DAG1: variants seen among roughly 807,000 people sequenced by gnomAD.
The protein encoded by DAG1 is dystroglycan 1 (dystrophin-associated glycoprotein 1).
Under a neutral mutation model 46.1 loss-of-function variants are expected in DAG1, and 8 were observed. The ratio of observed to expected loss-of-function variants is 0.17; its 90% CI spans 0.10 to 0.31. The LOEUF is 0.31. Among genes scored for constraint, DAG1 ranks in the 10% least tolerant of loss-of-function variants. The pLI, the probability that DAG1 is intolerant of heterozygous loss-of-function variation, is 1.00. For missense variants in DAG1, 1,003 were observed against 1,189.9 expected, an observed-to-expected ratio of 0.84 and a Z score of 2.31; for synonymous variants, 495 against 481.8, an observed-to-expected ratio of 1.03 and a Z score of -0.36.
At position 49,533,579 on chromosome 3, in the gene DAG1, C is replaced by G. The variant is rs113494001; in HGVS notation, c.*380C>G. 2.8e-4 allele frequency: 115 copies of G among 416,218 alleles called. No homozygotes were observed. Among genetic ancestry groups the G allele is most frequent in the African/African-American group, 2.1e-3 (103 of 48,936 alleles). 25.8% of individuals were successfully genotyped at this position (416,218 alleles called of 1,614,324 possible). Reference sequence around the variant, plus strand: ...CTGGCTCTCTGCGTTTTGCCTTTAACACTAACTGTACTGTTTTTTCTATTC... The same window carrying G: ...CTGGCTCTCTGCGTTTTGCCTTTAAGACTAACTGTACTGTTTTTTCTATTC... On this transcript the variant is annotated 3_prime_UTR_variant, in exon 3 of 3. Coordinates refer to ENST00000308775, the MANE Select transcript of DAG1 (RefSeq NM_004393.6).
intron 2 of DAG1, among the ~76,000 whole-genome samples, chr3:49,523,151 G>C (rs2051080691): frequency 6.6e-6 from 1 of 152,196 alleles, no homozygotes; most frequent in African/African-American, 2.4e-5. Flanking sequence ...GTGGGTGGCT[G>C]TGGTATAGTA....
chr3:49,503,896 A>AAAATTC (rs1320190891), intron 1 of DAG1, among the ~76,000 whole-genome samples: 17 of 152,242 alleles, frequency 1.1e-4, no homozygotes, highest in Non-Finnish European at 1.9e-4. Context: ...TGTCAGATTT[A>AAAATTC]AAATTCAAAT....
At position 49,533,433 on chromosome 3, in the gene DAG1, G is replaced by A. The variant is rs1202737470; in HGVS notation, c.*234G>A. On this transcript the variant is annotated 3_prime_UTR_variant, in exon 3 of 3. Coordinates refer to ENST00000308775, the MANE Select transcript of DAG1 (RefSeq NM_004393.6). ...TTTATTTTTTGCCTAACAGCTTTTG[G>A]TTTGTTCATAGAGAATTCTTCGCTT... is the stretch of plus-strand genomic sequence containing the variant. 8 of 709,412 alleles carry A rather than the reference G, an allele frequency of 1.1e-5. No individual in the cohort carries two copies. In the East Asian group the frequency reaches 1.9e-4, roughly 17 times the overall value. 43.9% of individuals were successfully genotyped at this position (709,412 alleles called of 1,614,324 possible).
Position 49,479,751 on chromosome 3 carries a change from C to A in DAG1, c.-117+9318C>A, listed in dbSNP as rs552510701. Among the ~76,000 whole-genome samples, 16 of 147,242 alleles carry A rather than the reference C, an allele frequency of 1.1e-4. No homozygotes were observed. In the East Asian group the frequency reaches 3.0e-3, roughly 27 times the overall value. ...CTCCTGGGTTCAATTGATTCTCCTG[C>A]CTCAGCATCCTGAGTAGCTGGCATT... is the stretch of plus-strand genomic sequence containing the variant. On this transcript the variant is annotated intron_variant, in intron 1 of 2. Coordinates refer to ENST00000308775, the MANE Select transcript of DAG1 (RefSeq NM_004393.6).
rs540509285 is a variant in DAG1, at chr3:49,491,866, G to A, written c.-116-18553G>A. The stretch of plus-strand genomic sequence containing the variant: ...ACTCCTGACCTCAAGTGATCCTCCC[G>A]CCTTGGCCTCCCAGAGTACTGGGAT... On this transcript the variant is annotated intron_variant, in intron 1 of 2. Coordinates refer to ENST00000308775, the MANE Select transcript of DAG1 (RefSeq NM_004393.6). 4.2e-4 allele frequency among the ~76,000 whole-genome samples: 64 copies of A among 151,928 alleles called. No individual in the cohort carries two copies. The East Asian group carries it at 0.011, about 27-fold the overall frequency.
chr3:49,471,049 A>G (rs2049505225), intron 1 of DAG1: 1 of 152,230 alleles, frequency 6.6e-6, no homozygotes, highest in African/African-American at 2.4e-5. Context: ...ATAAATTCTA[A>G]GTTAGTTTCC....
chr3:49,532,087 C>T lies in DAG1; in HGVS notation c.1576C>T (p.His526Tyr), dbSNP rs1211698488. 7.4e-6 allele frequency: 12 copies of T among 1,614,068 alleles called. No individual in the cohort carries two copies. Among genetic ancestry groups the T allele is most frequent in the Non-Finnish European group, 9.3e-6 (11 of 1,180,036 alleles). Residue 526 changes from histidine (H) to tyrosine (Y), a missense_variant, in exon 3 of 3, where the codon CAT becomes TAT. Transcript: ENST00000308775. This position sits in a 1 kb window ranked among gnomAD's most constrained non-coding sequence, Gnocchi z 5.4. ...VKIPSDTFYD[H>Y]EDTTTDKLKL... ...GATCCCGTCAGACACTTTCTATGAC[C>T]ATGAGGACACCACCACTGACAAGCT...
intron 1 of DAG1, chr3:49,510,151 C>T: frequency 4.4e-6 from 2 of 450,642 alleles, no homozygotes; most frequent in Non-Finnish European, 7.8e-6. Context: ...AGTTTGCAAT[C>T]AATATTTTAA....
intron 1 of DAG1, chr3:49,493,036 CTTTTTTTTTTT>C (rs55708660): frequency 2.3e-5 from 2 of 86,380 alleles, no homozygotes; most frequent in Non-Finnish European, 4.1e-5. Flanking sequence ...TATTTTTATT[CTTTTTTTTTTT>C]TTTTTTTTTT....
intron 1 of DAG1, among the ~76,000 whole-genome samples, chr3:49,488,422 A>G (rs898098148): frequency 1.3e-5 from 2 of 152,222 alleles, no homozygotes; most frequent in Non-Finnish European, 2.9e-5. Context: ...ATCTAGGATT[A>G]TATCCTTAGA....
chr3:49,522,844 A>C (rs537431734), intron 2 of DAG1, among the ~76,000 whole-genome samples: 1 of 152,266 alleles, frequency 6.6e-6, no homozygotes, highest in African/African-American at 2.4e-5. Flanking sequence ...ATCTCCTTAA[A>C]TCAGGCTTTC....
chr3:49,528,810 G>A (rs2051261838), intron 2 of DAG1, among the ~76,000 whole-genome samples: 1 of 151,076 alleles, frequency 6.6e-6, no homozygotes, highest in South Asian at 2.1e-4. Flanking sequence ...GAGTGGCTCA[G>A]AGAGCAATTA....
intron 2 of DAG1, among the ~76,000 whole-genome samples, chr3:49,520,641 G>C (rs1013497269): frequency 1.4e-4 from 21 of 152,168 alleles, no homozygotes; most frequent in Non-Finnish European, 2.8e-4. Flanking sequence ...ACGGGGAAGG[G>C]CCCAGCCCAC....
At chr3:49,476,165 A>C (rs1279269058) in intron 1 of DAG1, among the ~76,000 whole-genome samples, 1 of 152,214 alleles carries the variant, frequency 6.6e-6, no homozygotes, top group Non-Finnish European at 1.5e-5. Context: ...GAACTTTAGC[A>C]GTATGTTGAC....
At chr3:49,485,922 A>G (rs956431393) in intron 1 of DAG1, among the ~76,000 whole-genome samples, 1 of 151,540 alleles carries the variant, frequency 6.6e-6, no homozygotes, top group Non-Finnish European at 1.5e-5. Flanking sequence ...CAACCTTCCA[A>G]AGTGGTGGGA....
At position 49,533,028 on chromosome 3, in the gene DAG1, C is replaced by T; in HGVS notation, c.2517C>T (p.Thr839=). Residue 839 remains threonine, a synonymous_variant, in exon 3 of 3, where the codon ACC becomes ACT. Coordinates refer to ENST00000308775, the MANE Select transcript of DAG1 (RefSeq NM_004393.6). ...PEYPNQSVPE[T]TPLNQDTMGE... ...ACCCCAACCAGAGTGTGCCCGAGAC[C>T]ACTCCTCTGAACCAGGACACCATGG... 1 of 1,614,152 alleles carries T rather than the reference C, an allele frequency of 6.2e-7. No homozygotes were observed. Among genetic ancestry groups the T allele is most frequent in the Non-Finnish European group, 8.5e-7 (1 of 1,180,012 alleles).
At chr3:49,518,861 C>T (rs565571478) in intron 2 of DAG1, among the ~76,000 whole-genome samples, 1 of 152,352 alleles carries the variant, frequency 6.6e-6, no homozygotes, top group African/African-American at 2.4e-5. Flanking sequence ...GGGCCCCTGT[C>T]TCCTCTCTTG....
chr3:49,500,267 T>C (rs1241925519), intron 1 of DAG1, among the ~76,000 whole-genome samples: 1 of 152,102 alleles, frequency 6.6e-6, no homozygotes, highest in African/African-American at 2.4e-5. Context: ...CGCCTCAGCC[T>C]CCAAAGTGCT....
Position 49,532,025 on chromosome 3 carries a change from GGGTAGATGC to G in DAG1, c.1515_1523del (p.Arg505_Ala508delinsSer). ...CCAGAGCTCAAGAACCATATTGACA[GGGTAGATGC>G]CTGGGTTGGCACCTACTTTGAGGTG... On this transcript the variant is annotated inframe_deletion, in exon 3 of 3. Coordinates refer to ENST00000308775, the MANE Select transcript of DAG1 (RefSeq NM_004393.6). This position sits in a 1 kb window ranked among gnomAD's most constrained non-coding sequence, Gnocchi z 5.4. The G allele has an allele frequency of 1.2e-6, 2 of 1,614,198 alleles. No homozygotes were observed. Among genetic ancestry groups the G allele is most frequent in the Non-Finnish European group, 8.5e-7 (1 of 1,180,044 alleles).
Sources: allele counts gnomAD v4.1 joint callset (sites outside exome capture counted in the v4.1 genomes callset), GRCh38; gene constraint gnomAD v4.1.1; non-coding constraint Gnocchi (gnomAD v3.1); transcripts MANE v1.5; gene names NCBI Gene and HGNC (gene_info 2026-07-23, HGNC 2026-07-21).